Variants in PACRG observed in about 807,000 individuals in gnomAD.
PACRG encodes the protein parkin coregulated, also known as parkin coregulated gene protein.
A neutral mutation model predicts 29.7 loss-of-function variants in PACRG; 29 were observed. The observed-to-expected ratio is 0.98, with a 90% confidence interval of 0.73 to 1.33. The LOEUF is 1.33. Ranked by LOEUF, PACRG falls within the 40% of genes most tolerant of loss-of-function variation. The pLI is 0.00. For missense variants in PACRG, 279 were observed against 316.2 expected (o/e 0.88, Z 0.89); for synonymous variants, 116 against 118.7 (o/e 0.98, Z 0.15).
At chr6:162,896,406 T>C (rs987894234) in intron 2 of PACRG, among the ~76,000 whole-genome samples, 1 of 152,192 alleles carries the variant, frequency 6.6e-6, no homozygotes, top group Admixed American at 6.5e-5. Context: ...CCAGGAGTTA[T>C]TATGTGAAGG....
chr6:163,214,067 CTT>C (rs758497646), intron 4 of PACRG, among the ~76,000 whole-genome samples: 1 of 152,182 alleles, frequency 6.6e-6, no homozygotes, highest in Non-Finnish European at 1.5e-5. Flanking sequence ...CAACCAAACT[CTT>C]TTCATTAATA....
intron 2 of PACRG, among the ~76,000 whole-genome samples, chr6:162,978,443 A>G (rs778502350): frequency 6.0e-5 from 9 of 150,860 alleles, no homozygotes; most frequent in Non-Finnish European, 1.2e-4. Flanking sequence ...CTGTCTCTCT[A>G]TCTCTGTCTG....
intron 2 of PACRG, among the ~76,000 whole-genome samples, chr6:162,816,024 A>G (rs971497822): frequency 6.6e-6 from 1 of 152,110 alleles, no homozygotes; most frequent in African/African-American, 2.4e-5. Context: ...ACTAGAAAAA[A>G]TCATTTTGAA....
intron 2 of PACRG, among the ~76,000 whole-genome samples, chr6:162,842,983 C>T (rs1268841120): frequency 7.9e-6 from 1 of 127,026 alleles, no homozygotes; most frequent in African/African-American, 3.1e-5. Context: ...GTCTGATGGG[C>T]TTCCCTTTGA....
chr6:163,149,422 G>T (rs1237995597), intron 4 of PACRG, among the ~76,000 whole-genome samples: 2 of 152,196 alleles, frequency 1.3e-5, no homozygotes, highest in African/African-American at 4.8e-5. Context: ...TCTATGTGCG[G>T]CCTCGCCCTC....
intron 4 of PACRG, among the ~76,000 whole-genome samples, chr6:163,243,580 G>A (rs1782584582): frequency 6.6e-6 from 1 of 152,088 alleles, no homozygotes; most frequent in African/African-American, 2.4e-5. Context: ...CAGGAGCCGC[G>A]GGATGGTGGA....
chr6:162,894,675 A>G (rs1311205717), intron 2 of PACRG, among the ~76,000 whole-genome samples: 6 of 152,178 alleles, frequency 3.9e-5, no homozygotes, highest in Non-Finnish European at 7.3e-5. Context: ...AAAATGGTAG[A>G]GCCTCTGGAT....
At chr6:162,865,244 G>A (rs1221746970) in intron 2 of PACRG, among the ~76,000 whole-genome samples, 1 of 152,184 alleles carries the variant, frequency 6.6e-6, no homozygotes, top group Non-Finnish European at 1.5e-5. Flanking sequence ...ATATAAAATT[G>A]TGGGCTATGT....
chr6:163,245,191 C>T (rs1782646889), intron 4 of PACRG: 1 of 306,310 alleles, frequency 3.3e-6, no homozygotes, highest in Non-Finnish European at 6.5e-6. Context: ...CTAGGATGTT[C>T]TACGTACATT....
intron 2 of PACRG, among the ~76,000 whole-genome samples, chr6:162,954,511 T>C (rs1368351638): frequency 6.8e-6 from 1 of 147,468 alleles, no homozygotes; most frequent in Non-Finnish European, 1.5e-5. Context: ...CATTATTTTT[T>C]TACTGCACAA....
At chr6:163,201,836 G>A (rs1780712613) in intron 4 of PACRG, among the ~76,000 whole-genome samples, 1 of 152,234 alleles carries the variant, frequency 6.6e-6, no homozygotes. Flanking sequence ...ACAGTCAGAT[G>A]TGGGAGCCCC....
chr6:163,026,167 A>C (rs1270558715), intron 2 of PACRG, among the ~76,000 whole-genome samples: 1 of 152,172 alleles, frequency 6.6e-6, no homozygotes, highest in Non-Finnish European at 1.5e-5. Flanking sequence ...ATAAGAAATC[A>C]ATTTGATAAA....
intron 3 of PACRG, among the ~76,000 whole-genome samples, chr6:163,079,228 G>C (rs1461016320): frequency 6.6e-6 from 1 of 151,576 alleles, no homozygotes; most frequent in East Asian, 1.9e-4. Context: ...TTCTAAATTG[G>C]GGTCATCAAA....
intron 4 of PACRG, among the ~76,000 whole-genome samples, chr6:163,138,916 T>C (rs570339391): frequency 6.6e-6 from 1 of 152,342 alleles, no homozygotes; most frequent in East Asian, 1.9e-4. Flanking sequence ...TTCCATTCCA[T>C]ACATCATTTC....
At chr6:162,804,596 AT>A (rs1786161556) in intron 1 of PACRG, among the ~76,000 whole-genome samples, 1 of 152,078 alleles carries the variant, frequency 6.6e-6, no homozygotes, top group Non-Finnish European at 1.5e-5. Flanking sequence ...TGCCACCTTA[AT>A]TTAAGGCTTT....
At chr6:163,256,669 C>T (rs756095766) in intron 4 of PACRG, among the ~76,000 whole-genome samples, 1 of 152,084 alleles carries the variant, frequency 6.6e-6, no homozygotes, top group African/African-American at 2.4e-5. Flanking sequence ...GGCCAGTGCC[C>T]GAGTGAAGGC....
chr6:163,210,308 T>C (rs1398399917), intron 4 of PACRG, among the ~76,000 whole-genome samples: 1 of 152,232 alleles, frequency 6.6e-6, no homozygotes, highest in Non-Finnish European at 1.5e-5. Flanking sequence ...TACCAATGTG[T>C]AATCCATTCT....
At chr6:163,283,929 T>C (rs2128184668) in intron 4 of PACRG, among the ~76,000 whole-genome samples, 1 of 152,028 alleles carries the variant, frequency 6.6e-6, no homozygotes, top group East Asian at 1.9e-4. Context: ...GCTTGACCAA[T>C]GTGGTGAAAC....
chr6:163,122,814 A>G (rs1816349352), intron 4 of PACRG, among the ~76,000 whole-genome samples: 1 of 152,248 alleles, frequency 6.6e-6, no homozygotes, highest in African/African-American at 2.4e-5. Context: ...TTGGAGGTAT[A>G]CATACATTTA....
Sources: allele counts gnomAD v4.1 joint callset (sites outside exome capture counted in the v4.1 genomes callset), GRCh38; gene constraint gnomAD v4.1.1; transcripts MANE v1.5; gene names NCBI Gene and HGNC (gene_info 2026-07-23, HGNC 2026-07-21).